Variants in PDCD10 observed in about 807,000 individuals in gnomAD.
PDCD10 encodes programmed cell death protein 10.
In PDCD10, 4 loss-of-function variants were observed where a neutral mutation model predicts 29.2. The observed-to-expected ratio is 0.14, with a 90% CI of 0.07 to 0.31. PDCD10 has a LOEUF of 0.31. Among genes scored for constraint, PDCD10 ranks in the 10% least tolerant of loss-of-function variants. PDCD10 has a pLI of 1.00. For synonymous variants in PDCD10, 70 were observed against 82.2 expected (o/e 0.85, Z 0.80); for missense variants, 183 against 257.9 (o/e 0.71, Z 1.99).
At chr3:167,725,256 C>CAA (rs1178264599) in intron 2 of PDCD10, 14 of 84,204 alleles carry the variant, frequency 1.7e-4, no homozygotes, top group African/African-American at 4.6e-4. Flanking sequence ...GACTCTGTCT[C>CAA]AAAAAAGAAA....
chr3:167,728,062 T>C (rs1463910942), intron 2 of PDCD10, among the ~76,000 whole-genome samples: 1 of 152,246 alleles, frequency 6.6e-6, no homozygotes, highest in African/African-American at 2.4e-5. Flanking sequence ...TATCTGTTTT[T>C]ACTGCATCTA....
At chr3:167,684,443 TA>T in intron 8 of PDCD10, 54 bp from the exon 9 acceptor site, 1 of 989,008 alleles carries the variant, frequency 1.0e-6, no homozygotes, top group South Asian at 1.3e-5. Context: ...TTCACCCTTT[TA>T]AGATTTATAC....
chr3:167,688,314 T>C (rs912912670), intron 6 of PDCD10, among the ~76,000 whole-genome samples: 12 of 152,206 alleles, frequency 7.9e-5, no homozygotes, highest in Admixed American at 6.5e-4. Context: ...ATCCTCCTCT[T>C]TCAAACACTT....
chr3:167,701,706 A>G (rs1242315461), intron 4 of PDCD10, among the ~76,000 whole-genome samples: 1 of 152,188 alleles, frequency 6.6e-6, no homozygotes, highest in African/African-American at 2.4e-5. Flanking sequence ...ATGGCTGTCA[A>G]CAATCCTTGG....
chr3:167,688,677 A>G (rs1411478829), intron 6 of PDCD10, among the ~76,000 whole-genome samples: 1 of 152,160 alleles, frequency 6.6e-6, no homozygotes, highest in Non-Finnish European at 1.5e-5. Flanking sequence ...TTTCACAGTC[A>G]TTCTCTTAGC....
rs79897106 is a variant in PDCD10, at chr3:167,734,140, T to C, written c.-117+74A>G. On this transcript the variant is annotated intron_variant, in intron 2 of 8. Coordinates refer to ENST00000392750, the MANE Select transcript of PDCD10 (RefSeq NM_007217.4). ...TACGTGTGTGACCTTGGGCACGTCA[T>C]ATAATCCCTCGGTTTCCTCATCAGC... 2.0e-3 allele frequency: 300 copies of C among 152,338 alleles called. 1 individual carries two copies. Among genetic ancestry groups the C allele is most frequent in the Non-Finnish European group, 3.5e-3 (235 of 68,060 alleles). The allele number at this position is 152,338 out of a possible 1,614,324, so 9.4% of individuals were successfully genotyped here.
Position 167,695,736 on chromosome 3 carries a change from T to C in PDCD10, c.269-14A>G, listed in dbSNP as rs1406839524. 7 of 1,612,534 alleles carry C rather than the reference T, an allele frequency of 4.3e-6. No homozygotes were observed. The highest frequency in any genetic ancestry group is 5.9e-6 in the Non-Finnish European group (7 of 1,178,700). On this transcript the variant is annotated splice_polypyrimidine_tract_variant and intron_variant, in intron 5 of 8. Transcript: ENST00000392750. ...CAATCATATACTCTGATAAAATAAA[T>C]ACATAATAAAAAACATCCTGCGACT... is the stretch of plus-strand genomic sequence containing the variant.
chr3:167,722,518 T>G (rs1000362797), intron 2 of PDCD10, among the ~76,000 whole-genome samples: 7 of 152,172 alleles, frequency 4.6e-5, no homozygotes, highest in African/African-American at 1.7e-4. Flanking sequence ...AAAGTAACTT[T>G]TAAAAAATTA....
intron 5 of PDCD10, 32 bp downstream of exon 5, chr3:167,696,977 T>C (rs779277318): frequency 1.9e-6 from 2 of 1,063,592 alleles, no homozygotes. Context: ...TTAACAATTG[T>C]ATAACTTAAA....
intron 3 of PDCD10, among the ~76,000 whole-genome samples, chr3:167,708,366 T>C (rs922829831): frequency 6.6e-5 from 10 of 152,104 alleles, no homozygotes; most frequent in African/African-American, 2.2e-4. Context: ...GTTGTTGTTG[T>C]TGTTTGTTTT....
intron 2 of PDCD10, among the ~76,000 whole-genome samples, chr3:167,732,903 T>C (rs929454096): frequency 1.3e-5 from 2 of 152,208 alleles, no homozygotes; most frequent in Non-Finnish European, 2.9e-5. Flanking sequence ...ACAAAGTCAG[T>C]TATCACCACA....
chr3:167,695,437 C>T (rs1720698323), intron 6 of PDCD10, among the ~76,000 whole-genome samples, 159 bp downstream of exon 6: 2 of 152,088 alleles, frequency 1.3e-5, no homozygotes. Context: ...TACTCTGAAA[C>T]CAAACGCCAT....
At chr3:167,728,361 T>C (rs530231979) in intron 2 of PDCD10, among the ~76,000 whole-genome samples, 2 of 152,200 alleles carry the variant, frequency 1.3e-5, no homozygotes, top group Non-Finnish European at 2.9e-5. Flanking sequence ...CATTCCCAAC[T>C]GGCTTCTGTT....
chr3:167,700,614 G>A (rs1201505524), intron 4 of PDCD10, among the ~76,000 whole-genome samples: 3 of 152,116 alleles, frequency 2.0e-5, no homozygotes, highest in Non-Finnish European at 2.9e-5. Flanking sequence ...GTTGGTGCAG[G>A]ATATCTATAA....
intron 3 of PDCD10, among the ~76,000 whole-genome samples, chr3:167,717,007 A>G (rs1397143824): frequency 6.6e-6 from 1 of 152,018 alleles, no homozygotes; most frequent in African/African-American, 2.4e-5. Flanking sequence ...CTGATATGAC[A>G]TGAAATTAGG....
At chr3:167,718,905 T>C (rs1238880371) in intron 3 of PDCD10, among the ~76,000 whole-genome samples, 1 of 152,038 alleles carries the variant, frequency 6.6e-6, no homozygotes, top group African/African-American at 2.4e-5. Context: ...AATAAATTTT[T>C]ATCCAAGCCA....
At chr3:167,722,649 T>C (rs987464083) in intron 2 of PDCD10, among the ~76,000 whole-genome samples, 3 of 152,184 alleles carry the variant, frequency 2.0e-5, no homozygotes, top group East Asian at 3.8e-4. Context: ...AATCTCGGTA[T>C]AAAGGAGGTG....
intron 2 of PDCD10, chr3:167,725,347 T>G (rs907882777): frequency 3.8e-4 from 57 of 151,644 alleles, no homozygotes; most frequent in African/African-American, 1.2e-3. Flanking sequence ...GATGGTAGTC[T>G]GGCCATTTAA....
Position 167,693,116 on chromosome 3 carries a change from T to C in PDCD10, c.395+2480A>G, listed in dbSNP as rs574960276. 8.5e-5 allele frequency among the ~76,000 whole-genome samples: 13 copies of C among 152,344 alleles called. No individual in the cohort carries two copies. The South Asian group carries it at 1.2e-3, about 15-fold the overall frequency. On this transcript the variant is annotated intron_variant, in intron 6 of 8. Coordinates refer to ENST00000392750, the MANE Select transcript of PDCD10 (RefSeq NM_007217.4). ...TTTCTATGGGACATATTCCTCTCTTTATGTGACTCAAAAGAGAGTATCCAA... is the reference window on the plus strand; with the variant it reads ...TTTCTATGGGACATATTCCTCTCTTCATGTGACTCAAAAGAGAGTATCCAA...
Sources: gnomAD v4.1 joint callset for allele counts (sites outside exome capture counted in the v4.1 genomes callset) on GRCh38, gnomAD v4.1.1 for gene constraint, MANE v1.5 for transcripts, NCBI Gene and HGNC (gene_info 2026-07-23, HGNC 2026-07-21) for gene names.